Variants in CNBD1 observed in about 807,000 individuals in gnomAD.
The protein encoded by CNBD1 is cyclic nucleotide binding domain containing 1.
CNBD1 carries 71 observed loss-of-function variants against 54.4 expected under a neutral mutation model. That is an observed-to-expected ratio of 1.30 (90% confidence interval 1.08 to 1.59). The LOEUF is 1.59. Among genes scored for constraint, CNBD1 ranks in the 40% most tolerant of loss-of-function variants. The pLI is 0.00. For missense variants in CNBD1, 659 were observed against 518.0 expected (o/e 1.27, Z -2.64); for synonymous variants, 182 against 170.7 (o/e 1.07, Z -0.51).
intron 2 of CNBD1, among the ~76,000 whole-genome samples, chr8:86,903,833 CAG>C (rs928714175): frequency 3.3e-5 from 5 of 150,354 alleles, no homozygotes; most frequent in African/African-American, 1.2e-4. Context: ...ATGTGTAAAA[CAG>C]ATGATTGTAG....
At chr8:87,156,523 C>T (rs1296469391) in intron 4 of CNBD1, among the ~76,000 whole-genome samples, 2 of 151,638 alleles carry the variant, frequency 1.3e-5, no homozygotes, top group Non-Finnish European at 2.9e-5. Context: ...GATTTGCAGC[C>T]GTGAGCCACC....
chr8:87,401,796 G>T lies in CNBD1; in HGVS notation c.214-26750G>T, dbSNP rs551882679. ...AGCTATACATAAATATTGAGTTCCT[G>T]ATATCAATTATGCTTTTCCACATTA... On this transcript the variant is annotated intron_variant, in intron 2 of 7. Coordinates refer to the CNBD1 transcript ENST00000521593. 5.9e-4 allele frequency among the ~76,000 whole-genome samples: 89 copies of T among 152,102 alleles called. 1 individual carries two copies. Among genetic ancestry groups the T allele is most frequent in the Admixed American group, 9.2e-4 (14 of 15,238 alleles).
At chr8:87,234,619 G>T (rs1265164989) in intron 5 of CNBD1, among the ~76,000 whole-genome samples, 1 of 152,120 alleles carries the variant, frequency 6.6e-6, no homozygotes, top group Non-Finnish European at 1.5e-5. Flanking sequence ...GCTATAAAAA[G>T]ATATGTTGTC....
chr8:87,192,934 A>G (rs757048757), intron 4 of CNBD1, among the ~76,000 whole-genome samples: 1 of 152,236 alleles, frequency 6.6e-6, no homozygotes, highest in Non-Finnish European at 1.5e-5. Context: ...TTCTATCACA[A>G]GAATCATGTG....
intron 10 of CNBD1, among the ~76,000 whole-genome samples, chr8:87,371,742 G>T (rs1810807388): frequency 1.3e-5 from 2 of 151,928 alleles, no homozygotes. Flanking sequence ...AAAACCACAT[G>T]ATTATCTCAA....
At chr8:87,061,553 C>A (rs988155048) in intron 4 of CNBD1, among the ~76,000 whole-genome samples, 2 of 152,158 alleles carry the variant, frequency 1.3e-5, no homozygotes, top group African/African-American at 4.8e-5. Context: ...AATGGCACTT[C>A]TTTCACAACT....
chr8:87,174,581 G>T (rs896667597), intron 4 of CNBD1, among the ~76,000 whole-genome samples: 6 of 152,144 alleles, frequency 3.9e-5, no homozygotes, highest in Non-Finnish European at 7.4e-5. Flanking sequence ...GGTCCCTGGT[G>T]CCTTTTTTAG....
At chr8:87,002,487 C>A (rs1292142425) in intron 4 of CNBD1, among the ~76,000 whole-genome samples, 1 of 152,126 alleles carries the variant, frequency 6.6e-6, no homozygotes, top group Non-Finnish European at 1.5e-5. Flanking sequence ...CTGGCAATAA[C>A]CCAGCCCTTC....
intron 1 of CNBD1, among the ~76,000 whole-genome samples, chr8:86,879,854 A>T (rs1267111504): frequency 1.4e-5 from 2 of 144,738 alleles, no homozygotes; most frequent in Non-Finnish European, 3.0e-5. Context: ...CCTGGGCGAC[A>T]GAGCGAGAGT....
intron 6 of CNBD1, among the ~76,000 whole-genome samples, chr8:87,240,397 A>AT (rs896019026): frequency 7.9e-5 from 12 of 151,464 alleles, no homozygotes; most frequent in African/African-American, 2.7e-4. Flanking sequence ...TAAAATAGTA[A>AT]TTTTTTTTTA....
intron 4 of CNBD1, among the ~76,000 whole-genome samples, chr8:87,094,819 C>A (rs1811285104): frequency 6.6e-6 from 1 of 152,152 alleles, no homozygotes; most frequent in Non-Finnish European, 1.5e-5. Flanking sequence ...AGGTGGATCA[C>A]CTGAGGTCAG....
chr8:87,351,305 G>A (rs77651394), intron 8 of CNBD1, among the ~76,000 whole-genome samples: 3,670 of 152,100 alleles, frequency 0.024, 149 homozygotes, highest in African/African-American at 0.081. Flanking sequence ...CAATATTGTG[G>A]GTTTGTTATT....
At position 87,428,545 on chromosome 8, in the gene CNBD1, G is replaced by A. The variant is rs996927441; in HGVS notation, c.214-1G>A. On this transcript the variant is annotated splice_acceptor_variant, in intron 2 of 7. Coordinates refer to the CNBD1 transcript ENST00000521593. LOFTEE classifies it high-confidence loss of function. The stretch of plus-strand genomic sequence containing the variant: ...AAGTGTTTTCTTCTGTTTTCATCTA[G>A]AATTAGACCCAGTGACCAAGCAACT... The A allele has an allele frequency of 2.2e-6, 1 of 449,130 alleles. No homozygotes were observed. The allele number at this position is 449,130 out of a possible 1,614,324, so 27.8% of individuals were successfully genotyped here. A position where few individuals can be genotyped will look rare whatever the true frequency, so the allele number is the denominator to read the frequency against.
rs552296226 is a variant in CNBD1, at chr8:86,875,049, T to C, written c.88+8466T>C. On this transcript the variant is annotated intron_variant, in intron 1 of 10. Transcript: ENST00000518476. ...ATTAAAAATTGTGAGTTTACACTGA[T>C]TTCTTTAATCCTAATGCAGCACCAC... Among the ~76,000 whole-genome samples, 189 of 149,318 alleles carry C rather than the reference T, an allele frequency of 1.3e-3. 3 individuals carry two copies. In the South Asian group the frequency reaches 0.036, roughly 28 times the overall value.
rs551670654 is a variant in CNBD1, at chr8:87,263,149, C to A, written c.772-21529C>A. Among the ~76,000 whole-genome samples, 3 of 152,172 alleles carry A rather than the reference C, an allele frequency of 2.0e-5. No homozygotes were observed. The East Asian group carries it at 5.8e-4, about 29-fold the overall frequency. On this transcript the variant is annotated intron_variant, in intron 6 of 10. Transcript: ENST00000518476. ...TGGTATTATATATAGTGGTTTCAACCTTGATGATCATTCTTCCAATTAAAA... is the reference window on the plus strand; with the variant it reads ...TGGTATTATATATAGTGGTTTCAACATTGATGATCATTCTTCCAATTAAAA...
chr8:87,402,677 T>G (rs1807586610), intron 2 of CNBD1, among the ~76,000 whole-genome samples: 1 of 152,046 alleles, frequency 6.6e-6, no homozygotes, highest in Non-Finnish European at 1.5e-5. Context: ...GGGCCAAATC[T>G]CAGGGGATTT....
At chr8:87,085,262 A>T (rs970533791) in intron 4 of CNBD1, among the ~76,000 whole-genome samples, 7 of 152,196 alleles carry the variant, frequency 4.6e-5, no homozygotes, top group African/African-American at 1.7e-4. Context: ...AATCATATGG[A>T]TCATATGTGG....
Position 87,258,343 on chromosome 8 carries a change from G to A in CNBD1, c.771+21231G>A, listed in dbSNP as rs188542259. ...ATAAAGGGAAGACTTAGATTTGCAA[G>A]CAGTCTGTCTTTTGTCTTTCCCTTC... On this transcript the variant is annotated intron_variant, in intron 6 of 10. Coordinates refer to ENST00000518476, the MANE Select transcript of CNBD1 (RefSeq NM_173538.3). Among the ~76,000 whole-genome samples, 502 of 152,204 alleles carry A rather than the reference G, an allele frequency of 3.3e-3. 2 individuals are homozygous for A. Among genetic ancestry groups the A allele is most frequent in the African/African-American group, 0.012 (482 of 41,540 alleles).
In CNBD1 at chr8:87,376,143, G is replaced by C. The variant is rs899291405; in HGVS notation, c.1304-6477G>C. Among the ~76,000 whole-genome samples the C allele has an allele frequency of 2.0e-5, 3 of 151,874 alleles. No homozygotes were observed. The Admixed American group carries it at 2.0e-4, about 10-fold the overall frequency. The stretch of plus-strand genomic sequence containing the variant: ...TGTAAAGGAAATATAGTTTAGATGA[G>C]CTCTCAGTTCATACTGCTTCAATGC... On this transcript the variant is annotated intron_variant, in intron 10 of 10. Transcript: ENST00000518476.
Sources: gnomAD v4.1 joint callset for allele counts (sites outside exome capture counted in the v4.1 genomes callset) on GRCh38, gnomAD v4.1.1 for gene constraint, MANE v1.5 for transcripts, NCBI Gene and HGNC (gene_info 2026-07-23, HGNC 2026-07-21) for gene names.